TP63: variants seen among roughly 807,000 people sequenced by gnomAD.
TP63 encodes tumor protein 63.
TP63 carries 17 observed loss-of-function variants against 82.8 expected under a neutral mutation model. That is an observed-to-expected ratio of 0.21 (90% CI 0.14 to 0.31). The LOEUF (loss-of-function observed/expected upper bound fraction) is 0.31, where lower values mean the gene tolerates loss of function less well. TP63 is among the 10% of genes least tolerant of loss of function. The pLI is 1.00. For synonymous variants in TP63, 330 were observed against 321.7 expected, an observed-to-expected ratio of 1.03 and a Z score of -0.28; for missense variants, 648 against 895.3, an observed-to-expected ratio of 0.72 and a Z score of 3.52.
At chr3:189,637,912 A>G (rs548770389) in intron 1 of TP63, among the ~76,000 whole-genome samples, 1 of 152,262 alleles carries the variant, frequency 6.6e-6, no homozygotes, top group East Asian at 1.9e-4. Flanking sequence ...AGCGGAAGGT[A>G]GAAGAGTGAA....
intron 1 of TP63, among the ~76,000 whole-genome samples, chr3:189,706,721 C>T (rs1718229294): frequency 6.6e-6 from 1 of 152,152 alleles, no homozygotes; most frequent in South Asian, 2.1e-4. Context: ...TATGTATCAG[C>T]CAGGCGAATT....
intron 10 of TP63, among the ~76,000 whole-genome samples, chr3:189,874,815 A>G (rs1404655033): frequency 6.6e-6 from 1 of 152,170 alleles, no homozygotes; most frequent in African/African-American, 2.4e-5. Context: ...TTATAGACCC[A>G]GGAGGGATAT....
intron 4 of TP63, 125 bp downstream of exon 4, chr3:189,808,651 G>C: frequency 1.3e-6 from 2 of 1,558,682 alleles, no homozygotes; most frequent in Middle Eastern, 1.8e-4. Flanking sequence ...ATTTGTCTTT[G>C]AATATTTAAT....
chr3:189,840,267 C>T lies in TP63; in HGVS notation c.580-23965C>T, dbSNP rs777508488. 2.8e-4 allele frequency among the ~76,000 whole-genome samples: 41 copies of T among 148,658 alleles called. No homozygotes were observed. In the Middle Eastern group the frequency reaches 0.014, roughly 51 times the overall value. On this transcript the variant is annotated intron_variant, in intron 4 of 13. Coordinates refer to ENST00000264731, the MANE Select transcript of TP63 (RefSeq NM_003722.5). The stretch of plus-strand genomic sequence containing the variant: ...ATGCAGTAATCCTCAAAAAGGTAGA[C>T]GTCTACCATAATTCAGTCTATTGCT...
At chr3:189,810,579 C>A (rs766534969) in intron 4 of TP63, among the ~76,000 whole-genome samples, 2 of 152,002 alleles carry the variant, frequency 1.3e-5, no homozygotes, top group Non-Finnish European at 2.9e-5. Flanking sequence ...TCTTAAAAGC[C>A]GGGCGTGGTG....
chr3:189,830,352 AT>A (rs1186737088), intron 4 of TP63, among the ~76,000 whole-genome samples: 1 of 152,172 alleles, frequency 6.6e-6, no homozygotes, highest in Non-Finnish European at 1.5e-5. Context: ...TGCAACTCTG[AT>A]TTTCATGGCA....
chr3:189,672,652 G>GGAAGGAAA (rs1179492281), intron 1 of TP63, among the ~76,000 whole-genome samples: 464 of 120,124 alleles, frequency 3.9e-3, no homozygotes, highest in Non-Finnish European at 5.9e-3. Flanking sequence ...GAGGGAGGGA[G>GGAAGGAAA]GAAGGAAGGA....
intron 1 of TP63, among the ~76,000 whole-genome samples, chr3:189,710,710 A>T (rs1246821935): frequency 1.3e-5 from 2 of 152,112 alleles, no homozygotes; most frequent in Non-Finnish European, 2.9e-5. Flanking sequence ...GTTGAGCTAG[A>T]GGAGGGTGAT....
chr3:189,688,990 C>G (rs1358290306), intron 1 of TP63, among the ~76,000 whole-genome samples: 1 of 149,718 alleles, frequency 6.7e-6, no homozygotes. Context: ...TGATTCACAA[C>G]ATGAAGCAGT....
At chr3:189,704,141 G>A (rs1032269298) in intron 1 of TP63, among the ~76,000 whole-genome samples, 1 of 152,236 alleles carries the variant, frequency 6.6e-6, no homozygotes, top group African/African-American at 2.4e-5. Flanking sequence ...CAATAGGCTA[G>A]ATGATAAGAG....
At chr3:189,803,583 G>T (rs7638864) in intron 3 of TP63, among the ~76,000 whole-genome samples, 41,498 of 151,794 alleles carry the variant, frequency 0.27, 5,876 homozygotes, top group African/African-American at 0.33. Flanking sequence ...TACCTACCAT[G>T]CAAGCTGTAT....
At chr3:189,764,769 A>C (rs116166052) in intron 3 of TP63, among the ~76,000 whole-genome samples, 13 of 152,160 alleles carry the variant, frequency 8.5e-5, no homozygotes, top group Non-Finnish European at 1.8e-4. Context: ...CTCACCACAC[A>C]CTCTTGAAGA....
intron 4 of TP63, among the ~76,000 whole-genome samples, chr3:189,814,808 T>C (rs1727981816): frequency 6.6e-6 from 1 of 152,230 alleles, no homozygotes. Flanking sequence ...TAGGTTAACG[T>C]ATTCGTGATG....
chr3:189,597,419 T>G, the TP63 span, among the ~76,000 whole-genome samples: 75 of 50,696 alleles, frequency 1.5e-3, no homozygotes, highest in Middle Eastern at 6.4e-3. Context: ...ATGCTCAAAC[T>G]CTCTCTACCA....
intron 1 of TP63, among the ~76,000 whole-genome samples, chr3:189,649,828 G>T (rs1039132656): frequency 1.4e-5 from 2 of 146,744 alleles, no homozygotes; most frequent in African/African-American, 5.1e-5. Flanking sequence ...GAGTGAATAA[G>T]AACAGGGAAA....
chr3:189,782,882 G>A (rs1724333319), intron 3 of TP63, among the ~76,000 whole-genome samples: 1 of 152,066 alleles, frequency 6.6e-6, no homozygotes. Context: ...TTAAATAATA[G>A]TAGCTGCTAG....
chr3:189,820,665 TGTTA>T (rs1244058275), intron 4 of TP63, among the ~76,000 whole-genome samples: 9 of 152,232 alleles, frequency 5.9e-5, no homozygotes, highest in East Asian at 1.9e-4. Flanking sequence ...ATTTTACATT[TGTTA>T]GTTAGATGTT....
At chr3:189,887,856 G>GTTTTTTT (rs397874442) in intron 11 of TP63, among the ~76,000 whole-genome samples, 2 of 125,646 alleles carry the variant, frequency 1.6e-5, no homozygotes, top group South Asian at 2.4e-4. Flanking sequence ...CATTGTTTTG[G>GTTTTTTT]TTTTTTTTTT....
intron 1 of TP63, among the ~76,000 whole-genome samples, chr3:189,727,855 T>C (rs186419417): frequency 2.3e-4 from 35 of 152,352 alleles, no homozygotes; most frequent in Non-Finnish European, 4.4e-4. Flanking sequence ...TAAGCATGCA[T>C]GTTACTGTGT....
Sources: gnomAD v4.1 joint callset for allele counts (sites outside exome capture counted in the v4.1 genomes callset) on GRCh38, gnomAD v4.1.1 for gene constraint, MANE v1.5 for transcripts, NCBI Gene and HGNC (gene_info 2026-07-23, HGNC 2026-07-21) for gene names.